Variants in HTR1F observed in about 807,000 individuals in gnomAD.
HTR1F encodes the protein 5-hydroxytryptamine receptor 1F.
HTR1F carries 17 observed loss-of-function variants against 24.0 expected under a neutral mutation model. The observed-to-expected ratio is 0.71, with a 90% CI of 0.48 to 1.06. The LOEUF (loss-of-function observed/expected upper bound fraction) is 1.06, where lower values mean the gene tolerates loss of function less well. Ranked by LOEUF, HTR1F falls within the 50% of genes least tolerant of loss-of-function variation. The pLI is 0.00. For missense variants in HTR1F, 391 were observed against 427.8 expected, an observed-to-expected ratio of 0.91 and a Z score of 0.76; for synonymous variants, 186 against 156.8, an observed-to-expected ratio of 1.19 and a Z score of -1.39.
intron 2 of HTR1F, among the ~76,000 whole-genome samples, chr3:87,854,242 T>C (rs1380856072): frequency 6.6e-6 from 1 of 152,028 alleles, no homozygotes; most frequent in Non-Finnish European, 1.5e-5. Context: ...AATTACAGTT[T>C]TAGGACTCCT....
At position 87,879,489 on chromosome 3, in the gene HTR1F, C is replaced by T. The variant is rs1458177835; in HGVS notation, c.-43+57365C>T. On this transcript the variant is annotated intron_variant, in intron 2 of 2. Transcript: ENST00000319595. The stretch of plus-strand genomic sequence containing the variant: ...CAATGCCAACCTGGCAGTGCATTAG[C>T]CAAGAATCTGCCCTAGCACAAAACC... Among the ~76,000 whole-genome samples, 4 of 152,234 alleles carry T rather than the reference C, an allele frequency of 2.6e-5. No homozygotes were observed. The East Asian group carries it at 5.8e-4, about 22-fold the overall frequency.
intron 2 of HTR1F, among the ~76,000 whole-genome samples, chr3:87,975,271 GAAAAAAATCCAAATCTCAA>G (rs1705369605): frequency 6.6e-6 from 1 of 151,076 alleles, no homozygotes; most frequent in South Asian, 2.1e-4. Flanking sequence ...CCAAAAAGGA[GAAAAAAATCCAAATCTCAA>G]AAAAAAATCC....
At chr3:87,801,426 C>T (rs1418458239) in intron 1 of HTR1F, among the ~76,000 whole-genome samples, 6 of 152,154 alleles carry the variant, frequency 3.9e-5, no homozygotes, top group African/African-American at 1.2e-4. Context: ...TAAGAGTGCA[C>T]CTGTGACACA....
intron 2 of HTR1F, among the ~76,000 whole-genome samples, chr3:87,955,526 T>C (rs981563635): frequency 6.6e-6 from 1 of 151,526 alleles, no homozygotes; most frequent in African/African-American, 2.4e-5. Context: ...TTTATGGACA[T>C]ATGCATCTAT....
chr3:87,855,945 C>G (rs1705188872), intron 2 of HTR1F, among the ~76,000 whole-genome samples: 3 of 151,896 alleles, frequency 2.0e-5, no homozygotes, highest in Admixed American at 2.0e-4. Flanking sequence ...GGCCCTAAAG[C>G]ACAACATTAA....
At chr3:87,966,205 AG>A (rs2107487443) in intron 2 of HTR1F, among the ~76,000 whole-genome samples, 1 of 152,280 alleles carries the variant, frequency 6.6e-6, no homozygotes, top group East Asian at 1.9e-4. Context: ...ACCTTTCTCA[AG>A]CCTCTTTTAT....
chr3:87,912,985 C>T (rs1703814815), intron 2 of HTR1F, among the ~76,000 whole-genome samples: 2 of 152,184 alleles, frequency 1.3e-5, no homozygotes, highest in African/African-American at 2.4e-5. Context: ...CTATAAAAGT[C>T]CTGGAAGACG....
intron 2 of HTR1F, among the ~76,000 whole-genome samples, chr3:87,927,313 G>A (rs188087649): frequency 6.5e-4 from 99 of 152,172 alleles, no homozygotes; most frequent in African/African-American, 2.2e-3. Flanking sequence ...TTGATCACAC[G>A]TTGTTTCATG....
At chr3:87,895,701 G>T (rs922359594) in intron 2 of HTR1F, among the ~76,000 whole-genome samples, 1 of 152,124 alleles carries the variant, frequency 6.6e-6, no homozygotes, top group African/African-American at 2.4e-5. Flanking sequence ...TCATTTGACA[G>T]ATTAAATGAG....
chr3:87,836,895 T>TATG (rs3079039), intron 2 of HTR1F, among the ~76,000 whole-genome samples: 54,617 of 151,624 alleles, frequency 0.36, 14,140 homozygotes, highest in African/African-American at 0.74. Context: ...ATAAATTAAT[T>TATG]ATAACTTTTA....
At chr3:87,821,421 T>G (rs1287696328) in intron 1 of HTR1F, among the ~76,000 whole-genome samples, 2 of 152,184 alleles carry the variant, frequency 1.3e-5, no homozygotes, top group Non-Finnish European at 1.5e-5. Flanking sequence ...AGTCTTCACC[T>G]TATGATACCC....
chr3:87,866,568 T>C (rs1705430677), intron 2 of HTR1F, among the ~76,000 whole-genome samples: 1 of 152,176 alleles, frequency 6.6e-6, no homozygotes, highest in African/African-American at 2.4e-5. Flanking sequence ...AGAGGGACAC[T>C]TCAGAAAACA....
intron 2 of HTR1F, among the ~76,000 whole-genome samples, chr3:87,851,784 G>T (rs558256971): frequency 5.4e-4 from 82 of 151,480 alleles, no homozygotes; most frequent in Non-Finnish European, 8.7e-4. Flanking sequence ...TGTATTTTTT[G>T]AAATAAAGTA....
intron 2 of HTR1F, among the ~76,000 whole-genome samples, chr3:87,834,686 C>T (rs1445477897): frequency 1.3e-5 from 2 of 152,186 alleles, no homozygotes; most frequent in African/African-American, 4.8e-5. Flanking sequence ...CAAATCCATC[C>T]TGCTGCCTAT....
At chr3:87,964,126 T>G (rs556696809) in intron 2 of HTR1F, among the ~76,000 whole-genome samples, 1 of 152,240 alleles carries the variant, frequency 6.6e-6, no homozygotes, top group South Asian at 2.1e-4. Flanking sequence ...GCCGGGTGCT[T>G]TAACTCAATT....
chr3:87,860,617 A>G (rs1233087764), intron 2 of HTR1F, among the ~76,000 whole-genome samples: 4 of 152,164 alleles, frequency 2.6e-5, no homozygotes, highest in African/African-American at 9.7e-5. Flanking sequence ...CAGTGAAGTA[A>G]TACACATAGT....
At chr3:87,896,719 T>C (rs1370665041) in intron 2 of HTR1F, among the ~76,000 whole-genome samples, 1 of 152,116 alleles carries the variant, frequency 6.6e-6, no homozygotes, top group Non-Finnish European at 1.5e-5. Flanking sequence ...ATATAGCAAC[T>C]CAATAGCAAG....
chr3:87,913,225 C>T (rs1703819658), intron 2 of HTR1F, among the ~76,000 whole-genome samples: 2 of 151,912 alleles, frequency 1.3e-5, no homozygotes, highest in Admixed American at 1.3e-4. Context: ...CTATAAGGAA[C>T]CTAAAAAACA....
intron 1 of HTR1F, among the ~76,000 whole-genome samples, chr3:87,793,961 T>C (rs1703859570): frequency 9.3e-6 from 1 of 107,532 alleles, no homozygotes; most frequent in Admixed American, 1.1e-4. Flanking sequence ...TTAGTGGATA[T>C]GCTATGCCAA....
Sources: allele counts gnomAD v4.1 joint callset (sites outside exome capture counted in the v4.1 genomes callset), GRCh38; gene constraint gnomAD v4.1.1; transcripts MANE v1.5; gene names NCBI Gene and HGNC (gene_info 2026-07-23, HGNC 2026-07-21).